ZZEF1: variants seen among roughly 807,000 people sequenced by gnomAD.
The protein encoded by ZZEF1 is zinc finger ZZ-type and EF-hand domain containing 1.
Under a neutral mutation model 342.8 loss-of-function variants are expected in ZZEF1, and 157 were observed. That is an observed-to-expected ratio of 0.46 (90% CI 0.40 to 0.52). The LOEUF (loss-of-function observed/expected upper bound fraction) is 0.52. ZZEF1 is among the 20% of genes least tolerant of loss of function. The probability of loss-of-function intolerance (pLI) is 0.00; values close to 1 mark genes in which losing one functional copy is unlikely to be tolerated. For missense variants in ZZEF1, 3,480 were observed against 3,725.6 expected (o/e 0.93, Z 1.72); for synonymous variants, 1,505 against 1,429.1 (o/e 1.05, Z -1.20).
Position 4,076,667 on chromosome 17 carries a change from G to C in ZZEF1, c.3204C>G (p.Leu1068=). ...FSVLTELLKK[L]CSGPEGGLRK... is the part of the protein sequence containing the mutation. ...TCAGTCCTCCTTCGGGGCCACTACA[G>C]AGCTTCTTCAGGAGTTCTGTGAGGA... The change falls in exon 21 of 55, where the codon CTC becomes CTG. Residue 1068 remains leucine, a synonymous_variant. Transcript: ENST00000381638. 6.2e-7 allele frequency: 1 copy of C among 1,612,980 alleles called. No homozygotes were observed. Among genetic ancestry groups the C allele is most frequent in the Non-Finnish European group, 8.5e-7 (1 of 1,179,282 alleles).
At position 4,059,165 on chromosome 17, in the gene ZZEF1, C is replaced by T. The variant is rs2057232022; in HGVS notation, c.5003+6G>A. Reference sequence around the variant, plus strand: ...TTTCTCTAGAAATGATAAAGTTATCCAGTACCTGTCATTTAGGCTACTAAA... The same window carrying T: ...TTTCTCTAGAAATGATAAAGTTATCTAGTACCTGTCATTTAGGCTACTAAA... On this transcript the variant is annotated splice_donor_region_variant and intron_variant, in intron 31 of 54. Transcript: ENST00000381638. 6.4e-6 allele frequency: 10 copies of T among 1,574,604 alleles called. No individual in the cohort carries two copies. The highest frequency in any genetic ancestry group is 6.8e-6 in the Non-Finnish European group (8 of 1,170,124).
chr17:4,076,790 C>T, intron 20 of ZZEF1, 31 bp from the exon 21 acceptor site: 1 of 1,608,612 alleles, frequency 6.2e-7, no homozygotes, highest in South Asian at 1.1e-5. Flanking sequence ...CACTCAGCGT[C>T]CACCTTAGGC....
At chr17:4,134,352 T>TTATATATATATATATTTATATATATTTA (rs141346270) in intron 1 of ZZEF1, among the ~76,000 whole-genome samples, 4 of 144,968 alleles carry the variant, frequency 2.8e-5, no homozygotes, top group African/African-American at 5.1e-5. Context: ...TTATATATAT[T>TTATATATATATATATTTATATATATTTA]TATATATATA....
chr17:4,056,768 C>T (rs1488784778), intron 32 of ZZEF1: 1 of 152,184 alleles, frequency 6.6e-6, no homozygotes, highest in Non-Finnish European at 1.5e-5. Context: ...ACTGTGACTT[C>T]AGCTCTACCA....
At position 4,014,662 on chromosome 17, in the gene ZZEF1, T is replaced by C; in HGVS notation, c.8146-147A>G. 2 of 858,152 alleles carry C rather than the reference T, an allele frequency of 2.3e-6. No homozygotes were observed. Among genetic ancestry groups the C allele is most frequent in the Non-Finnish European group, 3.7e-6 (2 of 537,864 alleles). The allele number at this position is 858,152 out of a possible 1,614,324, so 53.2% of individuals were successfully genotyped here. A position where few individuals can be genotyped will look rare whatever the true frequency, so the allele number is the denominator to read the frequency against. Reference sequence around the variant, plus strand: ...GGCCTCCAGGAGTGCAGAGTCCAGCTAGGGCGAGGAGCATGCACAGACTGC... The same window carrying C: ...GGCCTCCAGGAGTGCAGAGTCCAGCCAGGGCGAGGAGCATGCACAGACTGC... On this transcript the variant is annotated intron_variant, in intron 49 of 54. Coordinates refer to ENST00000381638, the MANE Select transcript of ZZEF1 (RefSeq NM_015113.4). The surrounding 1 kb of genome is among the most constrained non-coding windows in gnomAD (Gnocchi z 4.4).
chr17:4,017,844 G>A lies in ZZEF1; in HGVS notation c.7633C>T (p.Pro2545Ser). The change falls in exon 47 of 55, where the codon CCA becomes TCA. Residue 2545 changes from proline to serine, a missense_variant. Pro to Ser is a moderately conservative substitution (Grantham distance 74, BLOSUM62 -1). This residue lies in a region of ZZEF1 where 1,269 missense variants were observed against 1,342.4 expected (regional missense o/e 0.95). Coordinates refer to ENST00000381638, the MANE Select transcript of ZZEF1 (RefSeq NM_015113.4). This position sits in a 1 kb window ranked among gnomAD's most constrained non-coding sequence, Gnocchi z 5.1. Reference protein sequence around the residue: ...KAVDTDMIILPCLSRPARCDQ... With the variant: ...KAVDTDMIILSCLSRPARCDQ... ...GAGGTCGGGTGACATACCAAGCATG[G>A]CAGGATAATCATGTCTGTATCCACA... 1 of 1,614,166 alleles carries A rather than the reference G, an allele frequency of 6.2e-7. No homozygotes were observed. Among genetic ancestry groups the A allele is most frequent in the East Asian group, 2.2e-5 (1 of 44,888 alleles).
chr17:4,086,398 C>G, intron 15 of ZZEF1, 88 bp downstream of exon 15: 1 of 1,373,556 alleles, frequency 7.3e-7, no homozygotes, highest in South Asian at 1.4e-5. Flanking sequence ...TGGCTCGCAT[C>G]ATCGTAGGAC....
rs977757703 is a variant in ZZEF1, at chr17:4,082,612, A to C, written c.2647-108T>G. On this transcript the variant is annotated intron_variant, in intron 16 of 54. Coordinates refer to ENST00000381638, the MANE Select transcript of ZZEF1 (RefSeq NM_015113.4). Reference sequence around the variant, plus strand: ...ACCCCACTGTTCTCAAGTATGAGGAATGCCAGGCCAGCAGACTACCTCACA... The same window carrying C: ...ACCCCACTGTTCTCAAGTATGAGGACTGCCAGGCCAGCAGACTACCTCACA... 21 of 1,039,154 alleles carry C rather than the reference A, an allele frequency of 2.0e-5. No individual in the cohort carries two copies. In the South Asian group the frequency reaches 2.2e-4, roughly 11 times the overall value. 64.4% of individuals were successfully genotyped at this position (1,039,154 alleles called of 1,614,324 possible).
At chr17:4,031,589 G>T (rs1272950809) in intron 42 of ZZEF1, among the ~76,000 whole-genome samples, 1 of 152,134 alleles carries the variant, frequency 6.6e-6, no homozygotes. Flanking sequence ...ACTGCCTAAT[G>T]CTGATGCTGA....
intron 30 of ZZEF1, among the ~76,000 whole-genome samples, 188 bp downstream of exon 30, chr17:4,062,565 T>C (rs1035553691): frequency 6.6e-6 from 1 of 152,178 alleles, no homozygotes; most frequent in Non-Finnish European, 1.5e-5. Flanking sequence ...GAGGAATAAA[T>C]ATGTTCCCGG....
chr17:4,122,657 T>C (rs916848393), intron 2 of ZZEF1, among the ~76,000 whole-genome samples: 1 of 152,228 alleles, frequency 6.6e-6, no homozygotes, highest in African/African-American at 2.4e-5. Context: ...AGTGCTGGGA[T>C]TACAGGCGTG....
At chr17:4,094,452 T>C (rs1390904249) in intron 11 of ZZEF1, among the ~76,000 whole-genome samples, 3 of 152,166 alleles carry the variant, frequency 2.0e-5, no homozygotes, top group African/African-American at 7.2e-5. Context: ...CTTGGCCTAT[T>C]TCTACATTTT....
chr17:4,132,702 G>T (rs1354030374), intron 1 of ZZEF1, among the ~76,000 whole-genome samples: 1 of 116,470 alleles, frequency 8.6e-6, no homozygotes, highest in Non-Finnish European at 2.0e-5. Flanking sequence ...TGTGGTGGCG[G>T]GCGCCTGTAA....
At position 4,117,107 on chromosome 17, in the gene ZZEF1, G is replaced by C. The variant is rs1239407079; in HGVS notation, c.559C>G (p.Leu187Val). ...EGLDIHSSMI[L>V]RFLHRNRLSS... ...AGCCGATTGCGGTGCAGGAAGCGCAGTATCATTGACGAGTGAATATCAAGG... is the reference window on the plus strand; with the variant it reads ...AGCCGATTGCGGTGCAGGAAGCGCACTATCATTGACGAGTGAATATCAAGG... The change falls in exon 3 of 55, where the codon CTG becomes GTG. Residue 187 changes from leucine (L) to valine (V), a missense_variant. Physicochemically the swap from Leu to Val is conservative, Grantham distance 32 (BLOSUM62 1). Around this residue, in one of 5 missense-constraint regions of ZZEF1, gnomAD observed 416 missense variants for 374.2 expected, o/e 1.11. Transcript: ENST00000381638. 1 of 1,614,044 alleles carries C rather than the reference G, an allele frequency of 6.2e-7. No individual in the cohort carries two copies. Among genetic ancestry groups the C allele is most frequent in the African/African-American group, 1.3e-5 (1 of 74,938 alleles).
At chr17:4,137,775 C>A (rs972736287) in intron 1 of ZZEF1, among the ~76,000 whole-genome samples, 1 of 152,194 alleles carries the variant, frequency 6.6e-6, no homozygotes, top group Non-Finnish European at 1.5e-5. Context: ...AGACAGTATG[C>A]TCTAAGTGCC....
At position 4,076,552 on chromosome 17, in the gene ZZEF1, C is replaced by A. The variant is rs2057624539; in HGVS notation, c.3234+85G>T. On this transcript the variant is annotated intron_variant, in intron 21 of 54. Transcript: ENST00000381638. ...CTAGAGGCTGCTCAGCTGTGCCTAT[C>A]TGCAGTCCGTGGTCCACTTCACTAA... 4.6e-6 allele frequency: 7 copies of A among 1,520,572 alleles called. No individual in the cohort carries two copies. The Admixed American group carries it at 1.3e-4, about 28-fold the overall frequency. 94.2% of individuals were successfully genotyped at this position (1,520,572 alleles called of 1,614,324 possible). A position where few individuals can be genotyped will look rare whatever the true frequency, so the allele number is the denominator to read the frequency against.
intron 30 of ZZEF1, among the ~76,000 whole-genome samples, chr17:4,062,407 C>G (rs2057304770): frequency 6.6e-6 from 1 of 151,348 alleles, no homozygotes; most frequent in African/African-American, 2.4e-5. Context: ...TTGAGTTAAT[C>G]CTAAGAACCA....
chr17:4,136,954 G>C (rs1277603357), intron 1 of ZZEF1, among the ~76,000 whole-genome samples: 3 of 152,010 alleles, frequency 2.0e-5, no homozygotes, highest in Non-Finnish European at 4.4e-5. Flanking sequence ...CCTGAAACTG[G>C]AGTGGGCTTA....
Position 4,012,635 on chromosome 17 carries a change from A to G in ZZEF1, c.8579+814T>C, listed in dbSNP as rs113274700. Among the ~76,000 whole-genome samples, 1,155 of 152,328 alleles carry G rather than the reference A, an allele frequency of 7.6e-3. 14 individuals carry two copies. Among genetic ancestry groups the G allele is most frequent in the African/African-American group, 0.026 (1,097 of 41,566 alleles). ...AAGGCAATTATGTCTACAATTCCCA[A>G]TTCAACACTATATGTCCTCCCTATA... On this transcript the variant is annotated intron_variant, in intron 52 of 54. Transcript: ENST00000381638.
Sources: allele counts gnomAD v4.1 joint callset (sites outside exome capture counted in the v4.1 genomes callset), GRCh38; gene constraint gnomAD v4.1.1; regional missense constraint gnomAD v4.1.1; non-coding constraint Gnocchi (gnomAD v3.1); transcripts MANE v1.5; gene names NCBI Gene and HGNC (gene_info 2026-07-23, HGNC 2026-07-21).